MIPEP: variants seen among roughly 807,000 people sequenced by gnomAD.
MIPEP encodes mitochondrial intermediate peptidase.
A neutral mutation model predicts 90.3 loss-of-function variants in MIPEP; 79 were observed. The ratio of observed to expected loss-of-function variants is 0.87; its 90% CI spans 0.73 to 1.05. The LOEUF is 1.05. Among genes scored for constraint, MIPEP ranks in the 50% least tolerant of loss-of-function variants. The probability of loss-of-function intolerance (pLI) is 0.00; values close to 1 mark genes in which losing one functional copy is unlikely to be tolerated. For synonymous variants in MIPEP, 334 were observed against 315.8 expected (o/e 1.06, Z -0.61); for missense variants, 940 against 905.6 (o/e 1.04, Z -0.49).
rs79114344 is a variant in MIPEP at position 23,738,685 on chromosome 13, T to G, written c.2045-8240A>C. The stretch of plus-strand genomic sequence containing the variant: ...CTGGTCTCGAACTCCTGAGCTCAAG[T>G]GACCCAGCTACCTCAGCCTCTGAAA... On this transcript the variant is annotated intron_variant, in intron 18 of 18. Transcript: ENST00000382172. Among the ~76,000 whole-genome samples, 3,402 of 151,996 alleles carry G rather than the reference T, an allele frequency of 0.022. 329 individuals carry two copies. In the East Asian group the frequency reaches 0.31, roughly 14 times the overall value.
At chr13:23,852,677 T>C (rs1446153980) in intron 10 of MIPEP, among the ~76,000 whole-genome samples, 3 of 152,356 alleles carry the variant, frequency 2.0e-5, no homozygotes, top group African/African-American at 7.2e-5. Context: ...TATTACTGAT[T>C]CATGTATTAA....
At chr13:23,880,169 T>G (rs1445870452) in intron 3 of MIPEP, among the ~76,000 whole-genome samples, 4 of 152,038 alleles carry the variant, frequency 2.6e-5, no homozygotes, top group Admixed American at 2.6e-4. Flanking sequence ...ACACTTAAGA[T>G]TTATATGAAT....
chr13:23,854,067 T>C (rs1869931504), intron 10 of MIPEP, among the ~76,000 whole-genome samples: 1 of 151,288 alleles, frequency 6.6e-6, no homozygotes, highest in Non-Finnish European at 1.5e-5. Flanking sequence ...GGCTCACGCC[T>C]GTAATCCCAG....
intron 14 of MIPEP, among the ~76,000 whole-genome samples, chr13:23,823,199 G>A (rs1953329595): frequency 1.3e-5 from 2 of 152,160 alleles, no homozygotes; most frequent in Admixed American, 6.6e-5. Context: ...CTGTGTGAAA[G>A]ACGAAGGCTT....
chr13:23,828,598 G>A (rs1868584850), intron 14 of MIPEP, among the ~76,000 whole-genome samples: 1 of 152,120 alleles, frequency 6.6e-6, no homozygotes, highest in African/African-American at 2.4e-5. Context: ...CCAGGACGAA[G>A]CCCAACAAAA....
At chr13:23,887,016 T>C (rs1195569856) in intron 1 of MIPEP, among the ~76,000 whole-genome samples, 3 of 152,184 alleles carry the variant, frequency 2.0e-5, no homozygotes, top group Non-Finnish European at 2.9e-5. Flanking sequence ...AATAAGTATA[T>C]GTAAAGTACT....
intron 10 of MIPEP, among the ~76,000 whole-genome samples, chr13:23,843,560 T>C (rs1250420748): frequency 6.6e-6 from 1 of 152,192 alleles, no homozygotes; most frequent in Non-Finnish European, 1.5e-5. Context: ...ATACATAGAA[T>C]TTCTAATATT....
At position 23,730,390 on chromosome 13, in the gene MIPEP, G is replaced by A; in HGVS notation, c.2100C>T (p.Asp700=). 1.2e-6 allele frequency: 2 copies of A among 1,612,816 alleles called. No individual in the cohort carries two copies. The highest frequency in any genetic ancestry group is 8.5e-7 in the Non-Finnish European group (1 of 1,179,124). The change falls in exon 19 of 19, where the codon GAC becomes GAT. Residue 700 remains aspartate, a synonymous_variant. Transcript: ENST00000382172. ...VDDFVSALVS[D]LDLDFETFLM... is the part of the protein sequence containing the mutation. ...GGAAAGTTTCGAAGTCCAGATCCAA[G>A]TCGGAAACGAGGGCACTTACGAAGT...
At chr13:23,796,925 T>G (rs1952969311) in intron 16 of MIPEP, among the ~76,000 whole-genome samples, 1 of 152,244 alleles carries the variant, frequency 6.6e-6, no homozygotes, top group Admixed American at 6.5e-5. Flanking sequence ...TTCACTATTC[T>G]GTTACTTGGG....
intron 16 of MIPEP, among the ~76,000 whole-genome samples, chr13:23,777,898 C>G (rs1049970538): frequency 1.3e-5 from 2 of 152,116 alleles, no homozygotes; most frequent in African/African-American, 4.8e-5. Context: ...TAAATTCAAT[C>G]AGGACAGAGT....
chr13:23,745,898 C>T (rs1003125425), intron 18 of MIPEP, among the ~76,000 whole-genome samples: 2 of 151,790 alleles, frequency 1.3e-5, no homozygotes, highest in Non-Finnish European at 2.9e-5. Flanking sequence ...CCACTGAGCT[C>T]CAGCCTGGAT....
intron 16 of MIPEP, among the ~76,000 whole-genome samples, chr13:23,775,203 A>G (rs923789061): frequency 3.3e-5 from 5 of 152,096 alleles, no homozygotes; most frequent in South Asian, 2.1e-4. Flanking sequence ...TCATCTGCAG[A>G]GAGATAATTT....
Position 23,742,756 on chromosome 13 carries a change from T to C in MIPEP, c.2045-12311A>G, listed in dbSNP as rs185173337. 2.0e-3 allele frequency among the ~76,000 whole-genome samples: 299 copies of C among 152,330 alleles called. 3 individuals carry two copies. Among genetic ancestry groups the C allele is most frequent in the African/African-American group, 6.9e-3 (288 of 41,578 alleles). ...TTGCCATCTGCTTATTAGGTAACTG[T>C]TTATCTACTAAAAGAAATAAAAGAT... is the stretch of plus-strand genomic sequence containing the variant. On this transcript the variant is annotated intron_variant, in intron 18 of 18. Transcript: ENST00000382172.
chr13:23,772,676 G>A (rs180885720), intron 16 of MIPEP, among the ~76,000 whole-genome samples: 2 of 152,304 alleles, frequency 1.3e-5, no homozygotes, highest in South Asian at 2.1e-4. Flanking sequence ...GAGGTGAGCT[G>A]ATGGCCTCAT....
intron 18 of MIPEP, among the ~76,000 whole-genome samples, chr13:23,740,982 G>A (rs552787949): frequency 1.8e-4 from 27 of 152,324 alleles, no homozygotes; most frequent in African/African-American, 6.0e-4. Context: ...GGAGGTCTGG[G>A]TGCTCTGTGT....
At chr13:23,880,298 G>A (rs1871223888) in intron 3 of MIPEP, among the ~76,000 whole-genome samples, 1 of 152,136 alleles carries the variant, frequency 6.6e-6, no homozygotes, top group South Asian at 2.1e-4. Context: ...ACGGATCCCA[G>A]AAGTCAGGGA....
At chr13:23,867,550 G>T (rs955093043) in intron 7 of MIPEP, among the ~76,000 whole-genome samples, 2 of 151,994 alleles carry the variant, frequency 1.3e-5, no homozygotes, top group African/African-American at 2.4e-5. Context: ...TACTTATTTC[G>T]TTCTTTACTG....
At chr13:23,776,118 T>C (rs192213132) in intron 16 of MIPEP, among the ~76,000 whole-genome samples, 1 of 152,242 alleles carries the variant, frequency 6.6e-6, no homozygotes, top group African/African-American at 2.4e-5. Context: ...ACTGAAACCT[T>C]AACTTTTTGC....
At chr13:23,742,277 G>A (rs188043697) in intron 18 of MIPEP, among the ~76,000 whole-genome samples, 145 of 152,322 alleles carry the variant, frequency 9.5e-4, no homozygotes, top group Non-Finnish European at 1.1e-3. Context: ...TAAAACTTTA[G>A]GTGGCTCGAA....
Sources: allele counts gnomAD v4.1 joint callset (sites outside exome capture counted in the v4.1 genomes callset), GRCh38; gene constraint gnomAD v4.1.1; transcripts MANE v1.5; gene names NCBI Gene and HGNC (gene_info 2026-07-23, HGNC 2026-07-21).